NBL1: variants seen among roughly 807,000 people sequenced by gnomAD.
NBL1 encodes the protein NBL1, DAN family BMP antagonist, also known as neuroblastoma suppressor of tumorigenicity 1.
NBL1 carries 9 observed loss-of-function variants against 16.0 expected under a neutral mutation model. That is an observed-to-expected ratio of 0.56 (90% CI 0.34 to 0.98). The LOEUF (loss-of-function observed/expected upper bound fraction) is 0.98, where lower values mean the gene tolerates loss of function less well. NBL1 is among the 50% of genes least tolerant of loss of function. NBL1 has a pLI of 0.02. For synonymous variants in NBL1, 86 were observed against 100.7 expected (o/e 0.85, Z 0.87); for missense variants, 196 against 243.1 (o/e 0.81, Z 1.29).
chr1:19,645,667 T>C, intron 1 of NBL1: 7 of 1,195,812 alleles, frequency 5.9e-6, no homozygotes, highest in Non-Finnish European at 7.3e-6. Flanking sequence ...GTGGTTTGCC[T>C]TGAGTTGGGG....
At chr1:19,654,104 A>G (rs1228721253) in intron 1 of NBL1, among the ~76,000 whole-genome samples, 3 of 152,196 alleles carry the variant, frequency 2.0e-5, no homozygotes, top group Non-Finnish European at 2.9e-5. Flanking sequence ...CTGGCCAGCC[A>G]AGGTGGCCCA....
At chr1:19,647,547 G>C (rs1199839411) in intron 1 of NBL1, 2 of 941,258 alleles carry the variant, frequency 2.1e-6, no homozygotes, top group African/African-American at 3.5e-5. Flanking sequence ...AGTGAGTGTG[G>C]GGGGAGAGGA....
At chr1:19,645,666 C>T in intron 1 of NBL1, 1 of 1,196,410 alleles carries the variant, frequency 8.4e-7, no homozygotes, top group Non-Finnish European at 1.0e-6. Context: ...CGTGGTTTGC[C>T]TTGAGTTGGG....
intron 1 of NBL1, chr1:19,647,522 C>A: frequency 1.3e-6 from 1 of 761,352 alleles, no homozygotes; most frequent in Non-Finnish European, 1.6e-6. Context: ...AGGAGGAGAG[C>A]CAGACCCTGC....
chr1:19,656,842 C>G (rs1487678918), intron 3 of NBL1, 24 bp from the exon 4 acceptor site: 1 of 1,593,056 alleles, frequency 6.3e-7, no homozygotes, highest in Non-Finnish European at 8.6e-7. Flanking sequence ...GAACATGCCT[C>G]TGCTTCTCTC....
At chr1:19,655,276 C>A (rs769658008) in intron 2 of NBL1, 48 bp from the exon 3 acceptor site, 12 of 1,612,586 alleles carry the variant, frequency 7.4e-6, no homozygotes, top group Non-Finnish European at 9.3e-6. Flanking sequence ...GCTGCCCATC[C>A]CTGCCTCCCC....
At chr1:19,645,274 GT>G in intron 1 of NBL1, 1 of 799,764 alleles carries the variant, frequency 1.3e-6, no homozygotes, top group Non-Finnish European at 1.5e-6. Flanking sequence ...CGGGGGCTCA[GT>G]TTTCTTAAGA....
At chr1:19,649,653 T>C (rs1570554494) in intron 1 of NBL1, among the ~76,000 whole-genome samples, 1 of 152,284 alleles carries the variant, frequency 6.6e-6, no homozygotes, top group East Asian at 1.9e-4. Flanking sequence ...CCACTGCGCC[T>C]GGCCTCCCAT....
At position 19,647,872 on chromosome 1, in the gene NBL1, TGTGTGTGTGTGCGTGTGCGCGC is replaced by T. The variant is rs1250188790; in HGVS notation, c.-20+3436_-20+3457del. On this transcript the variant is annotated intron_variant, in intron 1 of 3. Transcript: ENST00000375136. ...CCTGGTGTGTGTGTGTGTGCGTGTGTGTGTGTGTGTGCGTGTGCGCGCGTGTGTGTGCGTGCTTGTGCGGATG... is the reference window on the plus strand; with the variant it reads ...CCTGGTGTGTGTGTGTGTGCGTGTGTGTGTGTGTGCGTGCTTGTGCGGATG... 2.1e-3 allele frequency among the ~76,000 whole-genome samples: 312 copies of T among 147,716 alleles called. 1 individual carries two copies. The highest frequency in any genetic ancestry group is 7.2e-3 in the African/African-American group (279 of 38,602).
At chr1:19,645,940 C>T (rs2094976941) in intron 1 of NBL1, 1 of 1,550,420 alleles carries the variant, frequency 6.4e-7, no homozygotes, top group Non-Finnish European at 8.7e-7. Context: ...AGTGGAACTT[C>T]TGCTGAGCAG....
chr1:19,650,254 A>G (rs964100556), intron 1 of NBL1, among the ~76,000 whole-genome samples: 2 of 152,240 alleles, frequency 1.3e-5, no homozygotes, highest in African/African-American at 4.8e-5. Context: ...CATTTCTCAG[A>G]GTGCATCCCC....
At chr1:19,652,809 G>A (rs2095034159) in intron 1 of NBL1, among the ~76,000 whole-genome samples, 1 of 151,960 alleles carries the variant, frequency 6.6e-6, no homozygotes, top group Non-Finnish European at 1.5e-5. Flanking sequence ...CCAACCTGGT[G>A]AAACCCCATC....
upstream of NBL1, chr1:19,644,084 C>T: frequency 9.2e-6 from 9 of 973,554 alleles, no homozygotes; most frequent in Non-Finnish European, 9.8e-6. The surrounding 1 kb of genome is among the most constrained non-coding windows in gnomAD (Gnocchi z 4.6). Flanking sequence ...CCCCACCACG[C>T]CGTCGGAGCG....
At chr1:19,654,878 A>C in intron 1 of NBL1, 134 bp from the exon 2 acceptor site, 1 of 1,188,638 alleles carries the variant, frequency 8.4e-7, no homozygotes, top group Non-Finnish European at 1.1e-6. Flanking sequence ...AACTTGTCCA[A>C]AGTTGCACTT....
At position 19,657,647 on chromosome 1, in the gene NBL1, C is replaced by T. The variant is rs1457519088; in HGVS notation, c.*518C>T. Reference sequence around the variant, plus strand: ...CAAGGCCTCTCACCCCACTTCCCATCTCCAGGGAAGCGTCGCCCCAGTGGC... The same window carrying T: ...CAAGGCCTCTCACCCCACTTCCCATTTCCAGGGAAGCGTCGCCCCAGTGGC... On this transcript the variant is annotated 3_prime_UTR_variant, in exon 4 of 4. Coordinates refer to ENST00000375136, the MANE Select transcript of NBL1 (RefSeq NM_005380.8). 1 of 152,900 alleles carries T rather than the reference C, an allele frequency of 6.5e-6. No individual in the cohort carries two copies. The highest frequency in any genetic ancestry group is 1.9e-4 in the East Asian group (1 of 5,184). 9.5% of individuals were successfully genotyped at this position (152,900 alleles called of 1,614,324 possible).
At position 19,657,329 on chromosome 1, in the gene NBL1, A is replaced by C; in HGVS notation, c.*200A>C. 3 of 317,950 alleles carry C rather than the reference A, an allele frequency of 9.4e-6. No homozygotes were observed. Among genetic ancestry groups the C allele is most frequent in the Non-Finnish European group, 1.1e-5 (2 of 177,450 alleles). The allele number at this position is 317,950 out of a possible 1,614,324, so 19.7% of individuals were successfully genotyped here. ...CAAGCTGCACAATTTAATATATTCA[A>C]GAGTGGGGGGAGGAAGCAGAGGTCT... On this transcript the variant is annotated 3_prime_UTR_variant, in exon 4 of 4. Coordinates refer to ENST00000375136, the MANE Select transcript of NBL1 (RefSeq NM_005380.8).
At chr1:19,650,488 AAGTG>A (rs2095017254) in intron 1 of NBL1, among the ~76,000 whole-genome samples, 1 of 152,148 alleles carries the variant, frequency 6.6e-6, no homozygotes, top group African/African-American at 2.4e-5. Flanking sequence ...ACCCTCCTAG[AAGTG>A]AGTGAGTGTG....
intron 1 of NBL1, among the ~76,000 whole-genome samples, chr1:19,653,208 C>T (rs909712203): frequency 3.3e-5 from 5 of 150,800 alleles, no homozygotes; most frequent in African/African-American, 9.8e-5. Context: ...AAGGCGTGAA[C>T]CCAGGAGGCG....
At chr1:19,645,719 T>A in intron 1 of NBL1, 1 of 1,328,068 alleles carries the variant, frequency 7.5e-7, no homozygotes, top group Non-Finnish European at 9.7e-7. Context: ...CGGTGACCCC[T>A]ACCCCTCTCC....
Sources: gnomAD v4.1 joint callset for allele counts (sites outside exome capture counted in the v4.1 genomes callset) on GRCh38, gnomAD v4.1.1 for gene constraint, Gnocchi (gnomAD v3.1) non-coding constraint, MANE v1.5 for transcripts, NCBI Gene and HGNC (gene_info 2026-07-23, HGNC 2026-07-21) for gene names.